Variants in KAZN observed in about 807,000 individuals in gnomAD.
The protein encoded by KAZN is kazrin, periplakin interacting protein, also known as kazrin.
A neutral mutation model predicts 87.4 loss-of-function variants in KAZN; 40 were observed. The ratio of observed to expected loss-of-function variants is 0.46; its 90% CI spans 0.36 to 0.60. The LOEUF is 0.60. Ranked by LOEUF, KAZN falls within the 20% of genes least tolerant of loss-of-function variation. KAZN has a pLI of 0.00. For missense variants in KAZN, 898 were observed against 1,073.9 expected (o/e 0.84, Z 2.29); for synonymous variants, 466 against 458.3 (o/e 1.02, Z -0.22).
chr1:14,926,487 A>G lies in KAZN; in HGVS notation c.227-34197A>G, dbSNP rs998489649. Among the ~76,000 whole-genome samples the G allele has an allele frequency of 2.0e-5, 3 of 152,272 alleles. No homozygotes were observed. In the East Asian group the frequency reaches 5.8e-4, roughly 29 times the overall value. On this transcript the variant is annotated intron_variant, in intron 1 of 14. Coordinates refer to ENST00000376030, the MANE Select transcript of KAZN (RefSeq NM_201628.3). Reference sequence around the variant, plus strand: ...GGAAAACTCTTTTCCCAGTTTACAGATGACATCACTGGCATGAAACAAGAT... The same window carrying G: ...GGAAAACTCTTTTCCCAGTTTACAGGTGACATCACTGGCATGAAACAAGAT...
chr1:14,578,562 T>A (rs1244346923), intron 2 of KAZN, among the ~76,000 whole-genome samples: 1 of 152,162 alleles, frequency 6.6e-6, no homozygotes, highest in Admixed American at 6.5e-5. Flanking sequence ...CCTTTTAGAT[T>A]CTGGGTGATT....
intron 1 of KAZN, among the ~76,000 whole-genome samples, chr1:14,857,663 T>A (rs1228188343): frequency 6.6e-6 from 1 of 152,192 alleles, no homozygotes; most frequent in Non-Finnish European, 1.5e-5. Flanking sequence ...TGTGACTTTC[T>A]CCCAATGAAA....
chr1:14,148,029 G>A (rs982498895), intron 1 of KAZN, among the ~76,000 whole-genome samples: 33 of 152,022 alleles, frequency 2.2e-4, no homozygotes, highest in African/African-American at 6.3e-4. Context: ...AGATCAGCCT[G>A]GCCAACATAG....
chr1:14,480,948 ATTAT>A (rs768152653), intron 2 of KAZN, among the ~76,000 whole-genome samples: 28 of 148,646 alleles, frequency 1.9e-4, no homozygotes, highest in African/African-American at 3.2e-4. Context: ...CATTTTATGT[ATTAT>A]TTATTACTTA....
chr1:13,968,587 G>C (rs1451415154), intron 1 of KAZN, among the ~76,000 whole-genome samples: 1 of 152,170 alleles, frequency 6.6e-6, no homozygotes, highest in East Asian at 1.9e-4. Flanking sequence ...CTTCCGGTTG[G>C]ATTTTGTCCC....
chr1:15,033,981 CG>C (rs1671992753), intron 2 of KAZN, among the ~76,000 whole-genome samples: 1 of 152,134 alleles, frequency 6.6e-6, no homozygotes, highest in African/African-American at 2.4e-5. Flanking sequence ...CTCAAGTGAT[CG>C]GCCTGCCTCA....
chr1:13,989,272 T>C (rs956677653), intron 1 of KAZN, among the ~76,000 whole-genome samples: 13 of 152,084 alleles, frequency 8.5e-5, no homozygotes, highest in African/African-American at 3.1e-4. Flanking sequence ...ATTTAAATCA[T>C]AAAACTTTGG....
At chr1:14,705,681 G>A (rs1642170568) in intron 1 of KAZN, among the ~76,000 whole-genome samples, 1 of 152,170 alleles carries the variant, frequency 6.6e-6, no homozygotes, top group African/African-American at 2.4e-5. Context: ...GCCAGGAACT[G>A]AGAGTTAAAC....
intron 1 of KAZN, among the ~76,000 whole-genome samples, chr1:14,125,061 T>C (rs10429929): frequency 0.56 from 85,121 of 151,894 alleles, 24,915 homozygotes; most frequent in East Asian, 0.76. Context: ...CACGGGCATG[T>C]CTCCCAGGAA....
chr1:14,077,648 T>C (rs1459657664), intron 1 of KAZN, among the ~76,000 whole-genome samples: 2 of 152,170 alleles, frequency 1.3e-5, no homozygotes, highest in African/African-American at 4.8e-5. Context: ...TAGATAATTG[T>C]TATGGGTTGA....
intron 2 of KAZN, among the ~76,000 whole-genome samples, chr1:14,521,067 ACAAAATCCAGATGAG>A (rs1341386707): frequency 6.6e-6 from 1 of 152,212 alleles, no homozygotes; most frequent in Non-Finnish European, 1.5e-5. Flanking sequence ...GAGCCAATAG[ACAAAATCCAGATGAG>A]CTTATGAGTA....
chr1:13,974,871 C>T (rs1279030630), intron 1 of KAZN, among the ~76,000 whole-genome samples: 3 of 152,182 alleles, frequency 2.0e-5, no homozygotes, highest in African/African-American at 7.2e-5. Context: ...CCTTAGATAC[C>T]CTGGAGGTCT....
intron 4 of KAZN, among the ~76,000 whole-genome samples, chr1:15,048,858 TGGTCGTTGGTCCTG>T (rs1329858232): frequency 0.022 from 2,676 of 119,900 alleles, 45 homozygotes; most frequent in African/African-American, 0.049. Context: ...CGTTGGTCCT[TGGTCGTTGGTCCTG>T]GGTCGTTGGT....
chr1:14,970,347 G>A (rs142528331), intron 2 of KAZN, among the ~76,000 whole-genome samples: 53 of 152,218 alleles, frequency 3.5e-4, no homozygotes, highest in African/African-American at 1.3e-3. Context: ...ACGTGGGCGG[G>A]GCTCTGCAAG....
intron 1 of KAZN, among the ~76,000 whole-genome samples, chr1:13,968,789 C>T (rs1029821438): frequency 4.7e-5 from 7 of 148,728 alleles, no homozygotes; most frequent in Non-Finnish European, 3.0e-5. Context: ...CTGGCCTCTC[C>T]TCTTCCATTT....
At chr1:14,902,958 C>T (rs1656103228) in intron 1 of KAZN, among the ~76,000 whole-genome samples, 1 of 150,094 alleles carries the variant, frequency 6.7e-6, no homozygotes, top group Admixed American at 6.7e-5. Context: ...ACCTCCACCT[C>T]CCAGGTTCAA....
chr1:14,441,375 G>GGCAGCAGCA (rs1049058431), intron 2 of KAZN, among the ~76,000 whole-genome samples: 2 of 151,824 alleles, frequency 1.3e-5, no homozygotes, highest in African/African-American at 2.4e-5. Context: ...CAGCGGCAGC[G>GGCAGCAGCA]GCAGCAGCAG....
At chr1:14,390,677 T>C (rs1662342074) in intron 2 of KAZN, 1 of 152,504 alleles carries the variant, frequency 6.6e-6, no homozygotes, top group South Asian at 2.1e-4. Context: ...AACAAATTTA[T>C]TGACTCACAG....
At chr1:14,159,469 G>A (rs1645665048) in intron 1 of KAZN, among the ~76,000 whole-genome samples, 1 of 152,212 alleles carries the variant, frequency 6.6e-6, no homozygotes, top group Admixed American at 6.5e-5. Context: ...AGCTTGTGGT[G>A]AATGCTGCCT....
Sources: allele counts gnomAD v4.1 joint callset (sites outside exome capture counted in the v4.1 genomes callset), GRCh38; gene constraint gnomAD v4.1.1; transcripts MANE v1.5; gene names NCBI Gene and HGNC (gene_info 2026-07-23, HGNC 2026-07-21).